The following EEPD1 variants were observed in gnomAD, a reference collection of about 807,000 sequenced individuals.
EEPD1 encodes the protein endonuclease/exonuclease/phosphatase family domain containing 1, also known as endonuclease/exonuclease/phosphatase family domain-containing protein 1.
Under a neutral mutation model 46.3 loss-of-function variants are expected in EEPD1, and 17 were observed. That is an observed-to-expected ratio of 0.37 (90% CI 0.25 to 0.55). The LOEUF (loss-of-function observed/expected upper bound fraction) is 0.55. Among genes scored for constraint, EEPD1 ranks in the 20% least tolerant of loss-of-function variants. The probability of loss-of-function intolerance (pLI) is 0.83; values close to 1 mark genes in which losing one functional copy is unlikely to be tolerated. For missense variants in EEPD1, 673 were observed against 745.6 expected (o/e 0.90, Z 1.13); for synonymous variants, 313 against 315.6 (o/e 0.99, Z 0.09).
At chr7:36,284,632 C>T in intron 4 of EEPD1, 54 bp from the exon 5 acceptor site, 1 of 1,575,880 alleles carries the variant, frequency 6.3e-7, no homozygotes, top group Non-Finnish European at 8.6e-7. Flanking sequence ...GCCTCCTTTC[C>T]CCAGGTGGCG....
Position 36,299,042 on chromosome 7 carries a change from C to G in EEPD1, c.1546C>G (p.Pro516Ala). Reference sequence around the variant, plus strand: ...TGTGGTGAGAGAAGGCCTCACGAACCCTTGGATTCCGGATAACTGGTCTTG... The same window carrying G: ...TGTGGTGAGAGAAGGCCTCACGAACGCTTGGATTCCGGATAACTGGTCTTG... ...WAVVREGLTNPWIPDNWSWGG... is the reference protein window; with the variant it reads ...WAVVREGLTNAWIPDNWSWGG... The change falls in exon 8 of 8, where the codon CCT (proline) becomes GCT (alanine). Residue 516 changes from proline to alanine, a missense_variant. Pro to Ala is a conservative substitution (Grantham distance 27). Coordinates refer to ENST00000242108, the MANE Select transcript of EEPD1 (RefSeq NM_030636.3). 2 of 1,614,140 alleles carry G rather than the reference C, an allele frequency of 1.2e-6. No homozygotes were observed. The highest frequency in any genetic ancestry group is 2.2e-5 in the East Asian group (1 of 44,874).
At chr7:36,158,293 T>A (rs1406700889) in intron 2 of EEPD1, among the ~76,000 whole-genome samples, 5 of 152,192 alleles carry the variant, frequency 3.3e-5, no homozygotes, top group Non-Finnish European at 7.3e-5. Context: ...AACCTGCCTC[T>A]TGGTTAGACA....
intron 3 of EEPD1, among the ~76,000 whole-genome samples, chr7:36,248,698 G>A (rs138797324): frequency 7.2e-5 from 11 of 151,990 alleles, no homozygotes; most frequent in African/African-American, 2.2e-4. Context: ...ATTTGCATTG[G>A]GTTGAGCAAG....
At chr7:36,219,794 AGAGAGAGAGAGAGTGTGT>A (rs954696897) in intron 2 of EEPD1, among the ~76,000 whole-genome samples, 11 of 88,176 alleles carry the variant, frequency 1.2e-4, no homozygotes, top group African/African-American at 3.8e-4. Flanking sequence ...AGAGAGAGAG[AGAGAGAGAGAGAGTGTGT>A]GTGTGTGTGT....
At chr7:36,207,080 ACT>A (rs750578598) in intron 2 of EEPD1, among the ~76,000 whole-genome samples, 1 of 151,928 alleles carries the variant, frequency 6.6e-6, no homozygotes, top group African/African-American at 2.4e-5. Flanking sequence ...AACAAAAAAA[ACT>A]CTATGAGGGA....
intron 3 of EEPD1, among the ~76,000 whole-genome samples, chr7:36,279,243 G>T (rs1158065896): frequency 6.6e-6 from 1 of 152,124 alleles, no homozygotes; most frequent in Non-Finnish European, 1.5e-5. Context: ...TGCCAGGTAG[G>T]GGTTTATAAA....
chr7:36,243,348 C>A (rs151304630), intron 3 of EEPD1, among the ~76,000 whole-genome samples: 7 of 151,782 alleles, frequency 4.6e-5, no homozygotes, highest in African/African-American at 1.7e-4. Context: ...AAGTAAACAC[C>A]GTCATTCTAT....
intron 3 of EEPD1, among the ~76,000 whole-genome samples, chr7:36,280,639 C>G (rs1320024993): frequency 6.6e-6 from 1 of 152,228 alleles, no homozygotes; most frequent in African/African-American, 2.4e-5. Context: ...GTAAACAAGA[C>G]AAGCACTACG....
At chr7:36,226,588 C>T (rs1786235373) in intron 2 of EEPD1, among the ~76,000 whole-genome samples, 1 of 152,118 alleles carries the variant, frequency 6.6e-6, no homozygotes. Flanking sequence ...ACAAAGTAGA[C>T]CCAAAAGAGT....
chr7:36,197,866 C>T (rs558914614), intron 2 of EEPD1, among the ~76,000 whole-genome samples: 9 of 149,326 alleles, frequency 6.0e-5, no homozygotes, highest in Non-Finnish European at 8.9e-5. Context: ...TCCCCCTCTG[C>T]GAGAAACACC....
At chr7:36,245,178 C>T (rs1235025376) in intron 3 of EEPD1, among the ~76,000 whole-genome samples, 2 of 152,210 alleles carry the variant, frequency 1.3e-5, no homozygotes, top group East Asian at 3.9e-4. Flanking sequence ...GATCTCCGGG[C>T]CTCAGGTCAT....
intron 3 of EEPD1, among the ~76,000 whole-genome samples, chr7:36,242,883 C>T (rs558418978): frequency 4.0e-5 from 6 of 151,636 alleles, no homozygotes; most frequent in Admixed American, 3.3e-4. Context: ...GAGCCGAGAT[C>T]GCCCCACTGC....
At chr7:36,233,423 C>T (rs577265872) in intron 2 of EEPD1, among the ~76,000 whole-genome samples, 2 of 152,260 alleles carry the variant, frequency 1.3e-5, no homozygotes, top group Non-Finnish European at 2.9e-5. Context: ...ATGATAGCAA[C>T]TTGGCCTGAA....
At chr7:36,175,534 G>T (rs928525655) in intron 2 of EEPD1, among the ~76,000 whole-genome samples, 1 of 151,766 alleles carries the variant, frequency 6.6e-6, no homozygotes, top group Non-Finnish European at 1.5e-5. Context: ...GCCTGACCCT[G>T]ACTTTTTTTT....
chr7:36,198,295 T>C (rs1785643686), intron 2 of EEPD1, among the ~76,000 whole-genome samples: 1 of 136,160 alleles, frequency 7.3e-6, no homozygotes, highest in African/African-American at 2.7e-5. Flanking sequence ...CAGCCTATTG[T>C]ATTTCCTGTA....
intron 2 of EEPD1, among the ~76,000 whole-genome samples, chr7:36,183,009 A>T (rs549712924): frequency 1.3e-4 from 19 of 151,654 alleles, no homozygotes; most frequent in African/African-American, 4.2e-4. Flanking sequence ...TCAGGTGAGC[A>T]GGGCCAGCCT....
At chr7:36,181,301 C>T (rs961540690) in intron 2 of EEPD1, among the ~76,000 whole-genome samples, 9 of 152,008 alleles carry the variant, frequency 5.9e-5, no homozygotes, top group African/African-American at 2.2e-4. Context: ...AGGGCTGTGG[C>T]TGTGCTGTCA....
rs747171982 is a variant in EEPD1 at position 36,284,790 on chromosome 7, G to A, written c.1146G>A (p.Ala382=). The change falls in exon 5 of 8, where the codon GCG becomes GCA. Residue 382 remains alanine, a synonymous_variant. Transcript: ENST00000242108. ...CAAGCAACGGGCACGGGAAGCTGGC[G>A]GGCCCCAGCCCATACCTCGGGAGGT... is the stretch of plus-strand genomic sequence containing the variant. ...SSPSNGHGKL[A]GPSPYLGRFK... 53 of 1,582,976 alleles carry A rather than the reference G, an allele frequency of 3.3e-5. No individual in the cohort carries two copies. In the East Asian group the frequency reaches 5.6e-4, roughly 17 times the overall value.
chr7:36,197,451 A>G (rs981810437), intron 2 of EEPD1, among the ~76,000 whole-genome samples: 4 of 152,242 alleles, frequency 2.6e-5, no homozygotes, highest in Admixed American at 2.6e-4. Flanking sequence ...TGATGACGAT[A>G]GCAGTTTTGT....
Sources: gnomAD v4.1 joint callset for allele counts (sites outside exome capture counted in the v4.1 genomes callset) on GRCh38, gnomAD v4.1.1 for gene constraint, MANE v1.5 for transcripts, NCBI Gene and HGNC (gene_info 2026-07-23, HGNC 2026-07-21) for gene names.